Variants in FAM185A observed in about 807,000 individuals in gnomAD.
FAM185A encodes family with sequence similarity 185 member A, also known as protein FAM185A.
Under a neutral mutation model 45.7 loss-of-function variants are expected in FAM185A, and 21 were observed. The observed-to-expected ratio is 0.46, with a 90% CI of 0.33 to 0.66. The LOEUF is 0.66. Ranked by LOEUF, FAM185A falls within the 30% of genes least tolerant of loss-of-function variation. The pLI, the probability that FAM185A is intolerant of heterozygous loss-of-function variation, is 0.03. For synonymous variants in FAM185A, 117 were observed against 194.0 expected (o/e 0.60, Z 3.30); for missense variants, 305 against 485.4 (o/e 0.63, Z 3.49).
intron 6 of FAM185A, among the ~76,000 whole-genome samples, chr7:102,781,482 C>G (rs1364870924): frequency 6.6e-6 from 1 of 152,236 alleles, no homozygotes; most frequent in East Asian, 1.9e-4. Flanking sequence ...AATGATCAGG[C>G]AGCAACATCT....
the FAM185A span, among the ~76,000 whole-genome samples, chr7:102,850,074 C>T: frequency 1.3e-5 from 2 of 151,784 alleles, no homozygotes; most frequent in Admixed American, 1.3e-4. Flanking sequence ...TTTTAGATTA[C>T]TGAAAATAAA....
chr7:102,844,711 A>C, the FAM185A span, among the ~76,000 whole-genome samples: 1 of 152,166 alleles, frequency 6.6e-6, no homozygotes, highest in Non-Finnish European at 1.5e-5. Context: ...ATTTAATTCA[A>C]CTCTGACATT....
chr7:102,817,129 T>A, the FAM185A span, among the ~76,000 whole-genome samples: 1 of 152,230 alleles, frequency 6.6e-6, no homozygotes, highest in Non-Finnish European at 1.5e-5. Context: ...TACCCAGTAG[T>A]GGGATTACTG....
chr7:102,814,135 A>G (rs1434821230), downstream of FAM185A, among the ~76,000 whole-genome samples: 1 of 152,190 alleles, frequency 6.6e-6, no homozygotes, highest in Non-Finnish European at 1.5e-5. Context: ...AATGCATCAG[A>G]AAAAAAGTAG....
chr7:102,756,367 A>T (rs1793735903), intron 2 of FAM185A, among the ~76,000 whole-genome samples: 1 of 152,194 alleles, frequency 6.6e-6, no homozygotes, highest in South Asian at 2.1e-4. Context: ...CTAAAAAAAA[A>T]TCAGACTAGG....
chr7:102,817,819 T>C, the FAM185A span, among the ~76,000 whole-genome samples: 1 of 152,182 alleles, frequency 6.6e-6, no homozygotes, highest in African/African-American at 2.4e-5. Flanking sequence ...TGCATTCCAT[T>C]CTGCTTTGGC....
chr7:102,807,297 G>A (rs1370550538), intron 7 of FAM185A, among the ~76,000 whole-genome samples: 1 of 152,030 alleles, frequency 6.6e-6, no homozygotes, highest in Non-Finnish European at 1.5e-5. Context: ...AGGAAATATG[G>A]TTCACAGATT....
intron 2 of FAM185A, 142 bp from the exon 3 acceptor site, chr7:102,757,712 G>A: frequency 2.6e-6 from 3 of 1,153,904 alleles, no homozygotes; most frequent in Non-Finnish European, 3.6e-6. Context: ...GTCATTATTC[G>A]AAGCAGTGAG....
At chr7:102,826,712 G>T in the FAM185A span, among the ~76,000 whole-genome samples, 1 of 117,398 alleles carries the variant, frequency 8.5e-6, no homozygotes, top group East Asian at 2.4e-4. Flanking sequence ...GAGACAGAGT[G>T]AGACCCTGTC....
At chr7:102,808,016 G>A (rs890295321) in intron 7 of FAM185A, among the ~76,000 whole-genome samples, 1 of 152,146 alleles carries the variant, frequency 6.6e-6, no homozygotes, top group Non-Finnish European at 1.5e-5. Context: ...AGCCGAGATC[G>A]TGCCACTGTA....
At chr7:102,839,728 G>T in the FAM185A span, among the ~76,000 whole-genome samples, 1 of 152,096 alleles carries the variant, frequency 6.6e-6, no homozygotes, top group African/African-American at 2.4e-5. Context: ...TTACACATGT[G>T]AGCCACTGTG....
downstream of FAM185A, among the ~76,000 whole-genome samples, chr7:102,810,285 T>C (rs980657186): frequency 1.3e-5 from 2 of 152,192 alleles, no homozygotes; most frequent in African/African-American, 4.8e-5. Context: ...CAGGCTGGAG[T>C]GCAGTGGCAC....
intron 7 of FAM185A, among the ~76,000 whole-genome samples, chr7:102,793,015 A>C (rs1266971190): frequency 6.6e-6 from 1 of 152,172 alleles, no homozygotes; most frequent in Non-Finnish European, 1.5e-5. Context: ...AACCCACTAA[A>C]GTTTTTGGTT....
intron 7 of FAM185A, among the ~76,000 whole-genome samples, chr7:102,807,478 A>G (rs1156942240): frequency 1.3e-5 from 2 of 152,162 alleles, no homozygotes; most frequent in Non-Finnish European, 2.9e-5. Flanking sequence ...GGAAATGCTC[A>G]TTGGAGTAAT....
the FAM185A span, chr7:102,834,823 TATC>T: frequency 1.3e-5 from 2 of 151,922 alleles, no homozygotes. Flanking sequence ...CCATAAAAAG[TATC>T]ATAAGTATGT....
At chr7:102,764,994 A>AG (rs1468075381) in intron 4 of FAM185A, among the ~76,000 whole-genome samples, 1 of 152,294 alleles carries the variant, frequency 6.6e-6, no homozygotes, top group Non-Finnish European at 1.5e-5. Context: ...TAAATTGGCC[A>AG]GCCCCTTTTA....
intron 6 of FAM185A, among the ~76,000 whole-genome samples, chr7:102,783,736 G>C (rs1419865827): frequency 2.6e-5 from 4 of 152,162 alleles, no homozygotes; most frequent in Middle Eastern, 3.4e-3. Context: ...AAGCAGGAAA[G>C]ATCTAAAATT....
the FAM185A span, among the ~76,000 whole-genome samples, chr7:102,837,184 C>G: frequency 1.6e-4 from 24 of 152,326 alleles, no homozygotes; most frequent in Middle Eastern, 3.4e-3. Context: ...CACTGGGCAT[C>G]AGAGCAAGTG....
chr7:102,773,471 G>A (rs1292576279), intron 5 of FAM185A, among the ~76,000 whole-genome samples: 2 of 152,090 alleles, frequency 1.3e-5, no homozygotes, highest in East Asian at 1.9e-4. Flanking sequence ...GGACACCTGG[G>A]CCATTTCTAA....
Sources: gnomAD v4.1 joint callset for allele counts (sites outside exome capture counted in the v4.1 genomes callset) on GRCh38, gnomAD v4.1.1 for gene constraint, MANE v1.5 for transcripts, NCBI Gene and HGNC (gene_info 2026-07-23, HGNC 2026-07-21) for gene names.